KIAA1671: variants seen among roughly 807,000 people sequenced by gnomAD.
KIAA1671 encodes the protein uncharacterized protein KIAA1671.
A neutral mutation model predicts 131.2 loss-of-function variants in KIAA1671; 52 were observed. The ratio of observed to expected loss-of-function variants is 0.40; its 90% CI spans 0.32 to 0.50. The LOEUF is 0.50. KIAA1671 is among the 20% of genes least tolerant of loss of function. The probability of loss-of-function intolerance (pLI) is 0.73; values close to 1 mark genes in which losing one functional copy is unlikely to be tolerated. For missense variants in KIAA1671, 2,360 were observed against 2,364.2 expected (o/e 1.00, Z 0.04); for synonymous variants, 1,003 against 961.6 (o/e 1.04, Z -0.80).
At position 24,979,144 on chromosome 22, in the gene KIAA1671, C is replaced by T. The variant is rs187389021; in HGVS notation, c.-208+26372C>T. On this transcript the variant is annotated intron_variant, in intron 1 of 12. Coordinates refer to ENST00000358431, the MANE Select transcript of KIAA1671 (RefSeq NM_001145206.2). ...CTGAGTAGCTGGGATTACAGGCGCACATCACCATGCCTGGCTAATTTTTGT... is the reference window on the plus strand; with the variant it reads ...CTGAGTAGCTGGGATTACAGGCGCATATCACCATGCCTGGCTAATTTTTGT... Among the ~76,000 whole-genome samples the T allele has an allele frequency of 4.9e-3, 732 of 148,018 alleles. 3 individuals are homozygous for T. Among genetic ancestry groups the T allele is most frequent in the African/African-American group, 0.017 (690 of 40,146 alleles).
chr22:25,150,503 C>T (rs1039538205), intron 6 of KIAA1671, among the ~76,000 whole-genome samples: 3 of 152,182 alleles, frequency 2.0e-5, no homozygotes, highest in Non-Finnish European at 2.9e-5. Context: ...CAGGAAGGTG[C>T]TGCCTGCACT....
intron 1 of KIAA1671, among the ~76,000 whole-genome samples, chr22:24,973,998 C>T (rs2123817905): frequency 6.6e-6 from 1 of 152,302 alleles, no homozygotes. Context: ...ACCCTCTGCC[C>T]AGCTGCACCT....
chr22:25,192,503 G>A lies in KIAA1671; in HGVS notation c.*102G>A, dbSNP rs1021693160. The A allele has an allele frequency of 5.3e-5, 8 of 152,176 alleles. No homozygotes were observed. Among genetic ancestry groups the A allele is most frequent in the Admixed American group, 2.0e-4 (3 of 15,286 alleles). The allele number at this position is 152,176 out of a possible 1,614,324, so 9.4% of individuals were successfully genotyped here. On this transcript the variant is annotated 3_prime_UTR_variant, in exon 13 of 13. Coordinates refer to ENST00000358431, the MANE Select transcript of KIAA1671 (RefSeq NM_001145206.2). ...CCGTTTCTTCCTGCACAACGCTTAC[G>A]TGCCTGGGCCCTTCCCATTGGATTG...
At chr22:25,076,552 C>T (rs1929118440) in intron 6 of KIAA1671, among the ~76,000 whole-genome samples, 1 of 152,102 alleles carries the variant, frequency 6.6e-6, no homozygotes, top group South Asian at 2.1e-4. Flanking sequence ...ACAGTTGGGG[C>T]ATGGGGAGAG....
At chr22:24,978,264 G>A (rs1186934914) in intron 1 of KIAA1671, among the ~76,000 whole-genome samples, 1 of 152,150 alleles carries the variant, frequency 6.6e-6, no homozygotes, top group African/African-American at 2.4e-5. Context: ...TAAGTCTCAC[G>A]AGATCTGATG....
At chr22:25,085,323 G>A (rs1929646910) in intron 6 of KIAA1671, among the ~76,000 whole-genome samples, 1 of 152,212 alleles carries the variant, frequency 6.6e-6, no homozygotes, top group Non-Finnish European at 1.5e-5. Flanking sequence ...TGGCAGTTTG[G>A]TGTTGAGTAT....
intron 6 of KIAA1671, among the ~76,000 whole-genome samples, chr22:25,133,454 T>C (rs1049892687): frequency 8.5e-5 from 13 of 152,250 alleles, no homozygotes; most frequent in African/African-American, 3.1e-4. Flanking sequence ...GTTTTCCTTT[T>C]AGAAGTAGAT....
In KIAA1671 at chr22:25,093,768, G is replaced by GTCTCTCTC. The variant is rs71191028; in HGVS notation, c.4530+44440_4530+44447dup. 8.7e-4 allele frequency among the ~76,000 whole-genome samples: 53 copies of GTCTCTCTC among 60,740 alleles called. 2 individuals carry two copies. The highest frequency in any genetic ancestry group is 1.8e-3 in the Admixed American group (11 of 5,948). 39.8% of individuals were successfully genotyped at this position (60,740 alleles called of 152,430 possible). A position where few individuals can be genotyped will look rare whatever the true frequency, so the allele number is the denominator to read the frequency against. On this transcript the variant is annotated intron_variant, in intron 6 of 12. Transcript: ENST00000358431. ...TCTCTCTCTCTCTCTCTCTCTCTCT[G>GTCTCTCTC]TCTCTCTCTCTCTCTCTCTCTCTCT...
At chr22:25,047,724 C>T (rs934997970) in intron 5 of KIAA1671, among the ~76,000 whole-genome samples, 5 of 152,202 alleles carry the variant, frequency 3.3e-5, no homozygotes, top group Admixed American at 1.3e-4. Flanking sequence ...CCACCTGCGT[C>T]GGCCTCCCGA....
chr22:25,027,892 C>G (rs1926036291), intron 2 of KIAA1671, 53 bp from the exon 3 acceptor site: 1 of 887,498 alleles, frequency 1.1e-6, no homozygotes. Context: ...CTGCTTCAAC[C>G]CAGACACTGA....
intron 12 of KIAA1671, 90 bp downstream of exon 12, chr22:25,190,874 C>T: frequency 1.2e-6 from 1 of 859,348 alleles, no homozygotes; most frequent in Non-Finnish European, 1.9e-6. Flanking sequence ...GAGACTGGGG[C>T]TGTTGTACCC....
chr22:25,169,138 C>T lies in KIAA1671; in HGVS notation c.4531-1682C>T, dbSNP rs58828863. On this transcript the variant is annotated intron_variant, in intron 6 of 12. Coordinates refer to ENST00000358431, the MANE Select transcript of KIAA1671 (RefSeq NM_001145206.2). ...TCAAAAGACAGTGACTGGGGCTGGG[C>T]GTGGTGCCTCACCATGCAATGTAAT... 1.2e-3 allele frequency among the ~76,000 whole-genome samples: 181 copies of T among 152,084 alleles called. 1 individual carries two copies. The highest frequency in any genetic ancestry group is 3.9e-3 in the African/African-American group (160 of 41,470).
rs35952412 is a variant in KIAA1671, at chr22:25,177,651, AT to A, written c.5074+139del. ...TAGAACACAATTACATAGGAAACTG[AT>A]TTTTTTTTTCATGTCTTAAACACAC... On this transcript the variant is annotated intron_variant, in intron 9 of 12. Coordinates refer to ENST00000358431, the MANE Select transcript of KIAA1671 (RefSeq NM_001145206.2). 7.0e-3 allele frequency: 4,875 copies of A among 695,032 alleles called. 19 individuals carry two copies. The highest frequency in any genetic ancestry group is 0.015 in the African/African-American group (760 of 52,346). The allele number at this position is 695,032 out of a possible 1,614,324, so 43.1% of individuals were successfully genotyped here.
chr22:24,973,786 C>G (rs1022256069), intron 1 of KIAA1671, among the ~76,000 whole-genome samples: 3 of 152,088 alleles, frequency 2.0e-5, no homozygotes, highest in African/African-American at 7.2e-5. Context: ...GGACTTTGCT[C>G]CCTGCCATGT....
chr22:25,117,591 A>G (rs961234361), intron 6 of KIAA1671, among the ~76,000 whole-genome samples: 2 of 120,276 alleles, frequency 1.7e-5, no homozygotes, highest in Non-Finnish European at 3.7e-5. Flanking sequence ...CCAACCACAC[A>G]CACACACACA....
At chr22:25,021,823 G>A (rs1925685759) in intron 1 of KIAA1671, among the ~76,000 whole-genome samples, 2 of 151,024 alleles carry the variant, frequency 1.3e-5, no homozygotes, top group Admixed American at 1.3e-4. Context: ...GTCTCGCTCT[G>A]TTGCCCAGGC....
intron 6 of KIAA1671, among the ~76,000 whole-genome samples, chr22:25,103,561 T>C (rs1251686317): frequency 6.6e-6 from 1 of 152,108 alleles, no homozygotes; most frequent in Non-Finnish European, 1.5e-5. Flanking sequence ...GGTTTCACCG[T>C]GTTAGCCAGG....
chr22:25,000,739 A>T (rs1310999375), intron 1 of KIAA1671, among the ~76,000 whole-genome samples: 7 of 143,948 alleles, frequency 4.9e-5, no homozygotes, highest in African/African-American at 1.8e-4. Context: ...CTGGTCTTGA[A>T]CTCCTGGCCT....
chr22:25,085,116 A>G (rs1418957748), intron 6 of KIAA1671, among the ~76,000 whole-genome samples: 1 of 152,238 alleles, frequency 6.6e-6, no homozygotes, highest in East Asian at 1.9e-4. Flanking sequence ...GCCACATTCA[A>G]AATCACTGCA....
Sources: allele counts gnomAD v4.1 joint callset (sites outside exome capture counted in the v4.1 genomes callset), GRCh38; gene constraint gnomAD v4.1.1; transcripts MANE v1.5; gene names NCBI Gene and HGNC (gene_info 2026-07-23, HGNC 2026-07-21).